The following ZNF804A variants were observed in gnomAD, a reference collection of about 807,000 sequenced individuals.
ZNF804A encodes zinc finger protein 804A.
Under a neutral mutation model 16.5 loss-of-function variants are expected in ZNF804A, and 2 were observed. The ratio of observed to expected loss-of-function variants is 0.12; its 90% confidence interval spans 0.05 to 0.38. The LOEUF (loss-of-function observed/expected upper bound fraction) is 0.38. ZNF804A is among the 10% of genes least tolerant of loss of function. The probability of loss-of-function intolerance (pLI) is 0.99; values close to 1 mark genes in which losing one functional copy is unlikely to be tolerated. For missense variants in ZNF804A, 1,473 were observed against 1,390.7 expected, an observed-to-expected ratio of 1.06 and a Z score of -0.94; for synonymous variants, 534 against 489.6, an observed-to-expected ratio of 1.09 and a Z score of -1.20.
At chr2:184,620,966 A>G (rs1410551773) in intron 1 of ZNF804A, among the ~76,000 whole-genome samples, 2 of 151,652 alleles carry the variant, frequency 1.3e-5, no homozygotes, top group African/African-American at 4.8e-5. Context: ...ATTTTTCTGT[A>G]TCTTTAATTT....
chr2:184,899,524 T>G (rs1228349587), intron 2 of ZNF804A, among the ~76,000 whole-genome samples: 1 of 151,882 alleles, frequency 6.6e-6, no homozygotes, highest in Non-Finnish European at 1.5e-5. Context: ...AAAAGAAAAA[T>G]TTTGTTTTTC....
At chr2:184,709,026 C>G (rs76784328) in intron 1 of ZNF804A, among the ~76,000 whole-genome samples, 1,697 of 152,232 alleles carry the variant, frequency 0.011, 40 homozygotes, top group African/African-American at 0.04. Flanking sequence ...CAGATGAAAC[C>G]TTCCTGGCTA....
intron 1 of ZNF804A, among the ~76,000 whole-genome samples, chr2:184,671,258 A>C (rs925084466): frequency 6.6e-6 from 1 of 152,148 alleles, no homozygotes; most frequent in African/African-American, 2.4e-5. Flanking sequence ...CACTTTCATC[A>C]TGTCTGCTCT....
chr2:184,887,880 C>T (rs996640609), intron 2 of ZNF804A, among the ~76,000 whole-genome samples: 5 of 152,104 alleles, frequency 3.3e-5, no homozygotes, highest in African/African-American at 4.8e-5. Context: ...AACAGAAAAC[C>T]AAATACCACA....
chr2:184,865,087 T>C (rs1030674293), intron 1 of ZNF804A, among the ~76,000 whole-genome samples: 3 of 151,524 alleles, frequency 2.0e-5, no homozygotes, highest in African/African-American at 7.3e-5. Context: ...ATCATGTTGG[T>C]CAGGCTGGTC....
rs142471356 is a variant in ZNF804A, at chr2:184,618,401, C to T, written c.111+19331C>T. Among the ~76,000 whole-genome samples the T allele has an allele frequency of 2.8e-3, 426 of 152,112 alleles. 3 individuals carry two copies. Among genetic ancestry groups the T allele is most frequent in the African/African-American group, 9.8e-3 (405 of 41,510 alleles). The stretch of plus-strand genomic sequence containing the variant: ...AGAAGCTAGTCAATTAGATTATATA[C>T]GCACGAAGTAGCATGTTTAATGTAC... On this transcript the variant is annotated intron_variant, in intron 1 of 3. Coordinates refer to ENST00000302277, the MANE Select transcript of ZNF804A (RefSeq NM_194250.2).
intron 1 of ZNF804A, among the ~76,000 whole-genome samples, chr2:184,833,094 C>A (rs1352788340): frequency 6.6e-6 from 1 of 151,890 alleles, no homozygotes; most frequent in Non-Finnish European, 1.5e-5. Context: ...CTGTAACTGT[C>A]CTAGTTTATA....
intron 1 of ZNF804A, among the ~76,000 whole-genome samples, chr2:184,614,387 T>C (rs970163010): frequency 2.6e-5 from 4 of 152,222 alleles, no homozygotes; most frequent in African/African-American, 7.2e-5. Context: ...AAAGACTTCA[T>C]GTCTAAAACA....
intron 1 of ZNF804A, among the ~76,000 whole-genome samples, chr2:184,739,644 G>A (rs778259799): frequency 6.6e-5 from 10 of 152,028 alleles, no homozygotes; most frequent in Non-Finnish European, 8.8e-5. Context: ...CTCCAGCCTC[G>A]GCCTCCCAAA....
chr2:184,776,612 A>T (rs1249474670), intron 1 of ZNF804A, among the ~76,000 whole-genome samples: 1 of 151,502 alleles, frequency 6.6e-6, no homozygotes, highest in Non-Finnish European at 1.5e-5. Context: ...ATTGTCATAA[A>T]AATAGTGAAA....
At chr2:184,859,875 G>A (rs1431093466) in intron 1 of ZNF804A, among the ~76,000 whole-genome samples, 1 of 152,212 alleles carries the variant, frequency 6.6e-6, no homozygotes, top group African/African-American at 2.4e-5. Flanking sequence ...TAGTACCTAT[G>A]GCTTTCCTAA....
Position 184,873,966 on chromosome 2 carries a change from A to G in ZNF804A, c.255+7454A>G, listed in dbSNP as rs541566521. Among the ~76,000 whole-genome samples, 27 of 152,296 alleles carry G rather than the reference A, an allele frequency of 1.8e-4. 1 individual carries two copies. The South Asian group carries it at 5.6e-3, about 32-fold the overall frequency. The stretch of plus-strand genomic sequence containing the variant: ...AAAACAAATCCCTAATGTTAATTCT[A>G]ATAGGTATGAACAACAATATTTGTA... On this transcript the variant is annotated intron_variant, in intron 2 of 3. Coordinates refer to ENST00000302277, the MANE Select transcript of ZNF804A (RefSeq NM_194250.2).
At chr2:184,809,206 T>C (rs1039941248) in intron 1 of ZNF804A, among the ~76,000 whole-genome samples, 1 of 151,908 alleles carries the variant, frequency 6.6e-6, no homozygotes, top group African/African-American at 2.4e-5. Flanking sequence ...GGTTATAAAG[T>C]ATTGTAATAG....
chr2:184,773,555 G>A (rs1327653849), intron 1 of ZNF804A, among the ~76,000 whole-genome samples: 1 of 151,924 alleles, frequency 6.6e-6, no homozygotes, highest in South Asian at 2.1e-4. Flanking sequence ...CTCAGGAATG[G>A]AAAATCAAAC....
chr2:184,905,970 T>C (rs1685268706), intron 2 of ZNF804A, among the ~76,000 whole-genome samples: 1 of 152,196 alleles, frequency 6.6e-6, no homozygotes, highest in African/African-American at 2.4e-5. Flanking sequence ...TCCAATTTCA[T>C]TGACCTTCAA....
At chr2:184,611,132 G>A (rs980714941) in intron 1 of ZNF804A, among the ~76,000 whole-genome samples, 7 of 152,050 alleles carry the variant, frequency 4.6e-5, no homozygotes, top group Admixed American at 1.3e-4. Flanking sequence ...CTTCCCATAT[G>A]GGGGAAGTGG....
At chr2:184,915,834 A>G (rs1047061419) in intron 2 of ZNF804A, among the ~76,000 whole-genome samples, 26 of 152,156 alleles carry the variant, frequency 1.7e-4, no homozygotes, top group Non-Finnish European at 3.5e-4. Flanking sequence ...AAAAATCCAA[A>G]TGATACACAT....
chr2:184,828,438 C>G (rs1287588003), intron 1 of ZNF804A, among the ~76,000 whole-genome samples: 1 of 151,628 alleles, frequency 6.6e-6, no homozygotes, highest in East Asian at 1.9e-4. Flanking sequence ...ATGCTTTACT[C>G]TTTTAATTTT....
At chr2:184,898,991 CAT>C (rs1470053188) in intron 2 of ZNF804A, among the ~76,000 whole-genome samples, 2 of 151,834 alleles carry the variant, frequency 1.3e-5, no homozygotes, top group East Asian at 1.9e-4. Context: ...TGTGGTTAAA[CAT>C]ATTTTTGTAC....
Sources: gnomAD v4.1 joint callset for allele counts (sites outside exome capture counted in the v4.1 genomes callset) on GRCh38, gnomAD v4.1.1 for gene constraint, MANE v1.5 for transcripts, NCBI Gene and HGNC (gene_info 2026-07-23, HGNC 2026-07-21) for gene names.